Variants in DCC observed in about 807,000 individuals in gnomAD.
DCC encodes the protein netrin receptor DCC.
DCC carries 58 observed loss-of-function variants against 172.5 expected under a neutral mutation model. The observed-to-expected ratio is 0.34, with a 90% CI of 0.27 to 0.42. DCC has a LOEUF of 0.42. Among genes scored for constraint, DCC ranks in the 10% least tolerant of loss-of-function variants. The pLI, the probability that DCC is intolerant of heterozygous loss-of-function variation, is 1.00. For missense variants in DCC, 1,740 were observed against 1,791.0 expected, an observed-to-expected ratio of 0.97 and a Z score of 0.51; for synonymous variants, 709 against 644.5, an observed-to-expected ratio of 1.10 and a Z score of -1.52.
chr18:52,738,198 G>T (rs958863052), intron 1 of DCC, among the ~76,000 whole-genome samples: 2 of 152,102 alleles, frequency 1.3e-5, no homozygotes, highest in African/African-American at 4.8e-5. Context: ...GATAAGCATG[G>T]TTTTTATTGA....
At chr18:52,589,691 C>A (rs761420767) in intron 1 of DCC, among the ~76,000 whole-genome samples, 2 of 152,146 alleles carry the variant, frequency 1.3e-5, no homozygotes, top group Non-Finnish European at 2.9e-5. Flanking sequence ...ACCATATAAG[C>A]CTTTTTCTGT....
chr18:53,458,146 G>T (rs1502235), intron 23 of DCC, among the ~76,000 whole-genome samples: 5,652 of 152,190 alleles, frequency 0.037, 353 homozygotes, highest in African/African-American at 0.13. Flanking sequence ...TCTCTAGTCT[G>T]CTGTCAAAAC....
intron 3 of DCC, among the ~76,000 whole-genome samples, chr18:52,912,509 A>G (rs2039984510): frequency 6.6e-6 from 1 of 151,996 alleles, no homozygotes; most frequent in Non-Finnish European, 1.5e-5. Flanking sequence ...TTATTTTCAC[A>G]TCTAAGAGAA....
At chr18:53,335,811 GGGGAGGTCTCACAATCAC>G (rs1041989131) in intron 14 of DCC, among the ~76,000 whole-genome samples, 2 of 152,108 alleles carry the variant, frequency 1.3e-5, no homozygotes, top group Admixed American at 6.6e-5. Flanking sequence ...CCACATAGCT[GGGGAGGTCTCACAATCAC>G]GGCAGAAGGT....
At chr18:53,495,211 G>T (rs533424277) in intron 26 of DCC, among the ~76,000 whole-genome samples, 1 of 152,024 alleles carries the variant, frequency 6.6e-6, no homozygotes, top group South Asian at 2.1e-4. Flanking sequence ...GACCAAGATG[G>T]TGAAACCCCA....
intron 26 of DCC, among the ~76,000 whole-genome samples, chr18:53,498,552 T>C (rs2046054679): frequency 1.8e-5 from 2 of 112,620 alleles, no homozygotes; most frequent in African/African-American, 3.5e-5. Flanking sequence ...GTCTTAACTG[T>C]GTTCTCTGGA....
chr18:52,931,097 A>G (rs2040301101), intron 5 of DCC, among the ~76,000 whole-genome samples: 1 of 152,042 alleles, frequency 6.6e-6, no homozygotes, highest in South Asian at 2.1e-4. Context: ...TAACTACTCT[A>G]GAAGGCATAA....
At chr18:52,787,778 A>G (rs1267106579) in intron 2 of DCC, among the ~76,000 whole-genome samples, 1 of 152,106 alleles carries the variant, frequency 6.6e-6, no homozygotes, top group Non-Finnish European at 1.5e-5. Flanking sequence ...AGAATCCCAG[A>G]TTACCATAAA....
At chr18:53,198,051 G>A (rs1159630058) in intron 9 of DCC, among the ~76,000 whole-genome samples, 2 of 152,042 alleles carry the variant, frequency 1.3e-5, no homozygotes, top group East Asian at 3.9e-4. Context: ...TGAAACAGTA[G>A]CATTTGATTA....
chr18:52,941,740 C>A (rs1339776860), intron 5 of DCC, among the ~76,000 whole-genome samples: 1 of 151,898 alleles, frequency 6.6e-6, no homozygotes, highest in Non-Finnish European at 1.5e-5. Context: ...GTACTACTTA[C>A]ATGTAGTTTA....
intron 23 of DCC, 60 bp downstream of exon 23, chr18:53,450,722 G>T: frequency 3.0e-6 from 4 of 1,345,556 alleles, no homozygotes; most frequent in South Asian, 2.4e-5. Flanking sequence ...TTATATTTTT[G>T]ATGGTCCTCT....
At chr18:53,359,912 C>T (rs2057926283) in intron 15 of DCC, among the ~76,000 whole-genome samples, 1 of 152,106 alleles carries the variant, frequency 6.6e-6, no homozygotes, top group African/African-American at 2.4e-5. Flanking sequence ...TCTTCTTCTG[C>T]ATAATATCAT....
intron 2 of DCC, among the ~76,000 whole-genome samples, chr18:52,778,321 G>T (rs1038298679): frequency 6.6e-6 from 1 of 152,110 alleles, no homozygotes; most frequent in African/African-American, 2.4e-5. Flanking sequence ...TGCATGCCTT[G>T]GGAATGTCTT....
chr18:53,394,015 T>C (rs560328055), intron 17 of DCC, among the ~76,000 whole-genome samples: 2 of 151,416 alleles, frequency 1.3e-5, no homozygotes, highest in South Asian at 4.2e-4. Flanking sequence ...TTACAAATAA[T>C]GGTGATAGAC....
intron 1 of DCC, among the ~76,000 whole-genome samples, chr18:52,457,844 T>G (rs138102079): frequency 4.2e-4 from 64 of 152,314 alleles, no homozygotes; most frequent in African/African-American, 1.3e-3. Context: ...ACTTGGGAAA[T>G]CCAAGTTATC....
chr18:53,462,965 T>C (rs2045578100), intron 24 of DCC, among the ~76,000 whole-genome samples: 1 of 152,268 alleles, frequency 6.6e-6, no homozygotes, highest in African/African-American at 2.4e-5. Flanking sequence ...TCTCTTCAAT[T>C]ACTTTTTCCT....
At chr18:53,233,890 GA>G (rs923759867) in intron 12 of DCC, among the ~76,000 whole-genome samples, 2 of 152,092 alleles carry the variant, frequency 1.3e-5, no homozygotes, top group Admixed American at 1.3e-4. Flanking sequence ...GAGTTGGGTG[GA>G]TCACCTGCGG....
intron 8 of DCC, among the ~76,000 whole-genome samples, chr18:53,167,943 A>G (rs1371887215): frequency 6.6e-6 from 1 of 152,182 alleles, no homozygotes; most frequent in Non-Finnish European, 1.5e-5. Flanking sequence ...AGTGTGAGTC[A>G]GGAGAAGGTA....
At chr18:52,434,944 T>C (rs894835228) in intron 1 of DCC, among the ~76,000 whole-genome samples, 3 of 152,206 alleles carry the variant, frequency 2.0e-5, no homozygotes, top group South Asian at 4.1e-4. Context: ...TAGATTGCAA[T>C]GTTTGCTTTT....
Sources: gnomAD v4.1 joint callset for allele counts (sites outside exome capture counted in the v4.1 genomes callset) on GRCh38, gnomAD v4.1.1 for gene constraint, MANE v1.5 for transcripts, NCBI Gene and HGNC (gene_info 2026-07-23, HGNC 2026-07-21) for gene names.